SLF1: variants seen among roughly 807,000 people sequenced by gnomAD.
SLF1 encodes SMC5/6 complex localization factor 1.
SLF1 carries 105 observed loss-of-function variants against 123.0 expected under a neutral mutation model. The observed-to-expected ratio is 0.85, with a 90% CI of 0.73 to 1.00. The LOEUF (loss-of-function observed/expected upper bound fraction) is 1.00, where lower values mean the gene tolerates loss of function less well. SLF1 is among the 50% of genes least tolerant of loss of function. SLF1 has a pLI of 0.00. For synonymous variants in SLF1, 434 were observed against 406.6 expected (o/e 1.07, Z -0.81); for missense variants, 1,239 against 1,223.0 (o/e 1.01, Z -0.20).
In SLF1 at chr5:94,686,738, G is replaced by T; in HGVS notation, c.2121+20G>T. 1 of 1,582,216 alleles carries T rather than the reference G, an allele frequency of 6.3e-7. No individual in the cohort carries two copies. On this transcript the variant is annotated intron_variant, in intron 16 of 20. Transcript: ENST00000265140. ...AAAATGGTAAGTACCTCTCTATTCT[G>T]GTTCTTTACATTTTCAAGAAGTGAG...
chr5:94,666,577 G>T lies in SLF1; in HGVS notation c.1532+553G>T, dbSNP rs117055379. Among the ~76,000 whole-genome samples the T allele has an allele frequency of 7.9e-5, 12 of 152,230 alleles. No homozygotes were observed. The East Asian group carries it at 2.1e-3, about 27-fold the overall frequency. ...TGTTTCACCTTCTTTCTCCCTAACAGAAAATGTTTTCCCCTTGCTATTCAA... is the reference window on the plus strand; with the variant it reads ...TGTTTCACCTTCTTTCTCCCTAACATAAAATGTTTTCCCCTTGCTATTCAA... On this transcript the variant is annotated intron_variant, in intron 12 of 20. Transcript: ENST00000265140.
At chr5:94,686,321 G>C (rs1051682469) in intron 15 of SLF1, among the ~76,000 whole-genome samples, 1 of 152,042 alleles carries the variant, frequency 6.6e-6, no homozygotes, top group African/African-American at 2.4e-5. Flanking sequence ...GTAATTTCAA[G>C]ACTTGTATCT....
chr5:94,658,198 TTTCTC>T (rs1195707768), intron 9 of SLF1, among the ~76,000 whole-genome samples: 1 of 151,752 alleles, frequency 6.6e-6, no homozygotes, highest in Non-Finnish European at 1.5e-5. Context: ...ATTTGGCTCT[TTTCTC>T]ATTTGTATTT....
At chr5:94,630,978 A>G (rs1345197606) in intron 4 of SLF1, among the ~76,000 whole-genome samples, 1 of 151,092 alleles carries the variant, frequency 6.6e-6, no homozygotes, top group Non-Finnish European at 1.5e-5. Context: ...TTTCCATGTT[A>G]TTCCTTTTGG....
At chr5:94,644,161 C>T (rs1339869077) in intron 5 of SLF1, among the ~76,000 whole-genome samples, 3 of 152,066 alleles carry the variant, frequency 2.0e-5, no homozygotes, top group Non-Finnish European at 4.4e-5. Flanking sequence ...ACTGAGTTTA[C>T]CATCTTTCCT....
chr5:94,661,388 C>T (rs1046567539), intron 9 of SLF1, among the ~76,000 whole-genome samples: 2 of 152,142 alleles, frequency 1.3e-5, no homozygotes, highest in African/African-American at 2.4e-5. Flanking sequence ...GATTCCCTGC[C>T]ACTTTTAAAT....
At chr5:94,625,318 T>C (rs573752747) in intron 1 of SLF1, among the ~76,000 whole-genome samples, 57 of 152,182 alleles carry the variant, frequency 3.7e-4, no homozygotes, top group African/African-American at 1.2e-3. Flanking sequence ...TTCACAGATA[T>C]ATTGGATTTC....
chr5:94,670,815 A>G (rs1009202131), intron 13 of SLF1, 28 bp from the exon 14 acceptor site: 1 of 1,511,210 alleles, frequency 6.6e-7, no homozygotes, highest in Admixed American at 2.0e-5. Flanking sequence ...TGGCTTAAAG[A>G]TATACTTTTT....
At chr5:94,631,266 A>C (rs1438780327) in intron 4 of SLF1, among the ~76,000 whole-genome samples, 1 of 151,964 alleles carries the variant, frequency 6.6e-6, no homozygotes, top group Non-Finnish European at 1.5e-5. Context: ...AGTTAAATGT[A>C]ATTTATAATC....
At chr5:94,666,045 C>T (rs1041522588) in intron 12 of SLF1, 21 bp downstream of exon 12, 17 of 1,524,182 alleles carry the variant, frequency 1.1e-5, no homozygotes, top group Middle Eastern at 1.7e-4. Flanking sequence ...TCACATTTGA[C>T]GATGCTACAT....
At chr5:94,667,566 T>A (rs998037727) in intron 12 of SLF1, among the ~76,000 whole-genome samples, 1 of 152,238 alleles carries the variant, frequency 6.6e-6, no homozygotes, top group Admixed American at 6.5e-5. Flanking sequence ...TCACATACAT[T>A]GAACTACCTA....
chr5:94,670,905 T>C lies in SLF1; in HGVS notation c.1724T>C (p.Ile575Thr). ...ACAGGAAAGGCAATGCTTCTTGAAA[T>C]TTTTTGGTCAGGAAGTGAAACCTCT... is the stretch of plus-strand genomic sequence containing the variant. ...KITGKAMLLE[I>T]FWSGSETSGL... The change falls in exon 14 of 21, where the codon ATT (isoleucine) becomes ACT (threonine). Residue 575 changes from isoleucine (I) to threonine (T), a missense_variant. Physicochemically the swap from Ile to Thr is moderately conservative, Grantham distance 89. Coordinates refer to ENST00000265140, the MANE Select transcript of SLF1 (RefSeq NM_032290.4). 3 of 1,550,112 alleles carry C rather than the reference T, an allele frequency of 1.9e-6. No homozygotes were observed. Among genetic ancestry groups the C allele is most frequent in the Non-Finnish European group, 2.6e-6 (3 of 1,145,886 alleles).
intron 1 of SLF1, among the ~76,000 whole-genome samples, chr5:94,628,605 G>A (rs931364809): frequency 6.6e-6 from 1 of 152,104 alleles, no homozygotes; most frequent in Non-Finnish European, 1.5e-5. Context: ...CTCACTTAAG[G>A]CCACATTTTG....
chr5:94,653,290 G>A lies in SLF1; in HGVS notation c.901G>A (p.Asp301Asn). 2 of 1,526,430 alleles carry A rather than the reference G, an allele frequency of 1.3e-6. No individual in the cohort carries two copies. The highest frequency in any genetic ancestry group is 2.5e-5 in the East Asian group (1 of 40,272). The allele number at this position is 1,526,430 out of a possible 1,614,324, so 94.6% of individuals were successfully genotyped here. A position where few individuals can be genotyped will look rare whatever the true frequency, so the allele number is the denominator to read the frequency against. Reference protein sequence around the residue: ...YENQKEIKKKDEDIQRSYTLR... With the variant: ...YENQKEIKKKNEDIQRSYTLR... ...CATGTAGAAGGAAATTAAGAAAAAA[G>A]ATGAAGATATTCAGAGGAGTTATAC... Residue 301 changes from aspartate (D) to asparagine (N), a missense_variant, in exon 8 of 21, where the codon GAT becomes AAT. Physicochemically the swap from Asp to Asn is conservative, Grantham distance 23 (BLOSUM62 1). Coordinates refer to ENST00000265140, the MANE Select transcript of SLF1 (RefSeq NM_032290.4).
intron 17 of SLF1, 116 bp from the exon 18 acceptor site, chr5:94,689,357 A>G (rs1752812572): frequency 9.8e-7 from 1 of 1,025,138 alleles, no homozygotes; most frequent in Non-Finnish European, 1.3e-6. Context: ...TAAAGATTGA[A>G]TGAGTAAGGG....
intron 15 of SLF1, among the ~76,000 whole-genome samples, chr5:94,682,387 A>G (rs1585223232): frequency 6.6e-6 from 1 of 151,966 alleles, no homozygotes; most frequent in Admixed American, 6.5e-5. Context: ...TTTATTTTGC[A>G]TTATTCTTCT....
At position 94,670,848 on chromosome 5, in the gene SLF1, A is replaced by G. The variant is rs139699113; in HGVS notation, c.1667A>G (p.Tyr556Cys). The G allele has an allele frequency of 1.3e-6, 2 of 1,548,424 alleles. No homozygotes were observed. The highest frequency in any genetic ancestry group is 4.9e-5 in the East Asian group (2 of 40,782). The change falls in exon 14 of 21, where the codon TAT becomes TGT. Residue 556 changes from tyrosine to cysteine, a missense_variant. Physicochemically the swap from Tyr to Cys is radical, Grantham distance 194. Transcript: ENST00000265140. Reference protein sequence around the residue: ...SEVQHLSQKLYDWSDSQNLKI... With the variant: ...SEVQHLSQKLCDWSDSQNLKI... Reference sequence around the variant, plus strand: ...TTTGTTTATATTTTAATTAGGTTGTATGACTGGTCAGATTCTCAGAATCTG... The same window carrying G: ...TTTGTTTATATTTTAATTAGGTTGTGTGACTGGTCAGATTCTCAGAATCTG...
intron 5 of SLF1, among the ~76,000 whole-genome samples, chr5:94,647,055 A>G (rs531033987): frequency 2.0e-5 from 3 of 152,222 alleles, no homozygotes; most frequent in Non-Finnish European, 4.4e-5. Flanking sequence ...GTCATGTATC[A>G]GAGCAGAAAC....
intron 18 of SLF1, among the ~76,000 whole-genome samples, chr5:94,690,753 T>G (rs1752972225): frequency 6.6e-6 from 1 of 151,296 alleles, no homozygotes; most frequent in Non-Finnish European, 1.5e-5. Flanking sequence ...AAAATTCCCC[T>G]TAAATAATCA....
Sources: allele counts gnomAD v4.1 joint callset (sites outside exome capture counted in the v4.1 genomes callset), GRCh38; gene constraint gnomAD v4.1.1; transcripts MANE v1.5; gene names NCBI Gene and HGNC (gene_info 2026-07-23, HGNC 2026-07-21).